PPWD1: variants seen among roughly 807,000 people sequenced by gnomAD.
PPWD1 encodes the protein peptidylprolyl isomerase domain and WD repeat-containing protein 1.
In PPWD1, 43 loss-of-function variants were observed where a neutral mutation model predicts 68.8. The observed-to-expected ratio is 0.62, with a 90% confidence interval of 0.49 to 0.81. The LOEUF is 0.81. Ranked by LOEUF, PPWD1 falls within the 30% of genes least tolerant of loss-of-function variation. The probability of loss-of-function intolerance (pLI) is 0.00; values close to 1 mark genes in which losing one functional copy is unlikely to be tolerated. For missense variants in PPWD1, 672 were observed against 804.8 expected (o/e 0.83, Z 2.00); for synonymous variants, 232 against 258.7 (o/e 0.90, Z 0.99).
intron 5 of PPWD1, among the ~76,000 whole-genome samples, chr5:65,574,266 A>G (rs970438051): frequency 6.6e-6 from 1 of 152,226 alleles, no homozygotes; most frequent in African/African-American, 2.4e-5. Context: ...TTGTTGGAAG[A>G]AGATAGCTTT....
intron 4 of PPWD1, 40 bp downstream of exon 4, chr5:65,570,038 A>G: frequency 6.5e-7 from 1 of 1,527,946 alleles, no homozygotes; most frequent in Non-Finnish European, 9.0e-7. Flanking sequence ...AACTTATTGA[A>G]GTAATTTGTA....
chr5:65,579,573 C>T lies in PPWD1; in HGVS notation c.1310C>T (p.Thr437Ile), dbSNP rs1369847139. The change falls in exon 7 of 11, where the codon ACA (threonine) becomes ATA (isoleucine). Residue 437 changes from threonine to isoleucine, a missense_variant. Physicochemically the swap from Thr to Ile is moderately conservative, Grantham distance 89. Transcript: ENST00000261308. ...CTTCAGAATATTCAAGCTGACCCAA[C>T]AATAGTCTGTACATCATTCAAAAAG... The part of the protein sequence containing the change: ...PVLQNIQADP[T>I]IVCTSFKKNR... The T allele has an allele frequency of 6.2e-7, 1 of 1,603,268 alleles. No individual in the cohort carries two copies. The highest frequency in any genetic ancestry group is 8.5e-7 in the Non-Finnish European group (1 of 1,176,124).
At chr5:65,579,276 TG>T (rs1561729971) in intron 6 of PPWD1, 147 bp from the exon 7 acceptor site, 2 of 1,238,808 alleles carry the variant, frequency 1.6e-6, no homozygotes, top group Non-Finnish European at 1.0e-6. Context: ...TGATACCTTT[TG>T]GGGGGTAGAG....
intron 6 of PPWD1, 113 bp downstream of exon 6, chr5:65,577,182 A>C: frequency 7.0e-7 from 1 of 1,438,074 alleles, no homozygotes; most frequent in Non-Finnish European, 9.1e-7. Flanking sequence ...AATGGCCCCA[A>C]ATGTCTAAAC....
At chr5:65,567,725 A>T in intron 2 of PPWD1, 110 bp downstream of exon 2, 1 of 1,373,814 alleles carries the variant, frequency 7.3e-7, no homozygotes. Context: ...GTAGATTTTT[A>T]ATTTCTTAAG....
chr5:65,576,945 G>A lies in PPWD1; in HGVS notation c.1036G>A (p.Val346Ile). Residue 346 changes from valine to isoleucine, a missense_variant, in exon 6 of 11, where the codon GTA becomes ATA. Physicochemically the swap from Val to Ile is conservative, Grantham distance 29 (BLOSUM62 3). Around this residue, in one of 2 missense-constraint regions of PPWD1, gnomAD observed 484 missense variants for 646.2 expected, o/e 0.75. Coordinates refer to ENST00000261308, the MANE Select transcript of PPWD1 (RefSeq NM_015342.4). ...PDMEFGRRMA[V>I]ERELEKVDAV... ...CATGGAATTTGGCCGACGAATGGCT[G>A]TAGAACGTGAGTTGGAGAAGGTTGA... The A allele has an allele frequency of 6.2e-7, 1 of 1,614,128 alleles. No homozygotes were observed. Among genetic ancestry groups the A allele is most frequent in the Non-Finnish European group, 8.5e-7 (1 of 1,179,972 alleles).
At chr5:65,574,857 G>A (rs990798539) in intron 5 of PPWD1, among the ~76,000 whole-genome samples, 1 of 152,244 alleles carries the variant, frequency 6.6e-6, no homozygotes, top group South Asian at 2.1e-4. Context: ...TTAGCCTGAG[G>A]TGACAAGAAG....
At position 65,563,357 on chromosome 5, in the gene PPWD1, G is replaced by T; in HGVS notation, c.47G>T (p.Arg16Leu). The T allele has an allele frequency of 6.2e-7, 1 of 1,614,110 alleles. No homozygotes were observed. Among genetic ancestry groups the T allele is most frequent in the Non-Finnish European group, 8.5e-7 (1 of 1,180,010 alleles). ...GATTTTCAGCAGAGACGTAGAAGGC[G>T]CCGGGACCCGGAGGAACCGGAAAAA... ...GSDFQQRRRR[R>L]RDPEEPEKTE... Residue 16 changes from arginine to leucine, a missense_variant, in exon 1 of 11, where the codon CGC becomes CTC. Around this residue, in one of 2 missense-constraint regions of PPWD1, gnomAD observed 188 missense variants for 158.6 expected, o/e 1.19. Coordinates refer to ENST00000261308, the MANE Select transcript of PPWD1 (RefSeq NM_015342.4).
At chr5:65,580,952 C>G (rs1753569158) in intron 7 of PPWD1, among the ~76,000 whole-genome samples, 1 of 152,166 alleles carries the variant, frequency 6.6e-6, no homozygotes, top group Non-Finnish European at 1.5e-5. Context: ...CTGTGCTCTT[C>G]TTCTGAAGAT....
intron 4 of PPWD1, among the ~76,000 whole-genome samples, chr5:65,571,132 T>C (rs758357255): frequency 7.9e-5 from 12 of 152,178 alleles, no homozygotes; most frequent in Non-Finnish European, 1.3e-4. Context: ...GAAGAGTATA[T>C]TTCAGACTTT....
chr5:65,566,737 C>T (rs917838070), intron 1 of PPWD1, among the ~76,000 whole-genome samples: 2 of 146,996 alleles, frequency 1.4e-5, no homozygotes, highest in Admixed American at 6.7e-5. Flanking sequence ...CTTCCTTCTT[C>T]TCTCCCTCCC....
At chr5:65,583,788 A>G (rs566514474) in intron 8 of PPWD1, among the ~76,000 whole-genome samples, 1 of 152,212 alleles carries the variant, frequency 6.6e-6, no homozygotes, top group Non-Finnish European at 1.5e-5. Flanking sequence ...ATCTCTTAAA[A>G]AAAATTTTTT....
intron 7 of PPWD1, 129 bp from the exon 8 acceptor site, chr5:65,582,909 C>T (rs1027919204): frequency 1.6e-6 from 2 of 1,237,602 alleles, no homozygotes. Context: ...GGAAGTGATT[C>T]CTGAAATAAG....
Position 65,579,407 on chromosome 5 carries a change from C to A in PPWD1, c.1161-17C>A. ...ACTTCGGTGATTCTGTTGTATAAAA[C>A]ATTGTTATATTTTTAGGTGTGTGCG... On this transcript the variant is annotated splice_polypyrimidine_tract_variant and intron_variant, in intron 6 of 10. Coordinates refer to ENST00000261308, the MANE Select transcript of PPWD1 (RefSeq NM_015342.4). The A allele has an allele frequency of 6.8e-7, 1 of 1,468,444 alleles. No homozygotes were observed. The highest frequency in any genetic ancestry group is 1.5e-5 in the South Asian group (1 of 67,998). 91.0% of individuals were successfully genotyped at this position (1,468,444 alleles called of 1,614,324 possible). A position where few individuals can be genotyped will look rare whatever the true frequency, so the allele number is the denominator to read the frequency against.
Position 65,583,214 on chromosome 5 carries a change from T to A in PPWD1, c.1527T>A (p.Pro509=). 1 of 1,579,892 alleles carries A rather than the reference T, an allele frequency of 6.3e-7. No individual in the cohort carries two copies. Among genetic ancestry groups the A allele is most frequent in the Non-Finnish European group, 8.6e-7 (1 of 1,164,284 alleles). The part of the protein sequence containing the change: ...SMGDIHTKLF[P]VECPKTVENF... ...GAGACATTCACACCAAACTTTTTCCTGTTGAGTATGTATAACAACTGTTTT... is the reference window on the plus strand; with the variant it reads ...GAGACATTCACACCAAACTTTTTCCAGTTGAGTATGTATAACAACTGTTTT... The change falls in exon 8 of 11, where the codon CCT becomes CCA. Residue 509 remains proline, a synonymous_variant. Coordinates refer to ENST00000261308, the MANE Select transcript of PPWD1 (RefSeq NM_015342.4).
At chr5:65,584,897 CCTT>C (rs1393263065) in intron 8 of PPWD1, 114 bp from the exon 9 acceptor site, 2 of 1,344,038 alleles carry the variant, frequency 1.5e-6, no homozygotes, top group Non-Finnish European at 2.0e-6. Flanking sequence ...AAACAACTGT[CCTT>C]CTGAAACATT....
rs1228425453 is a variant in PPWD1 at position 65,578,760 on chromosome 5, G to GTA, written c.1161-653_1161-652dup. On this transcript the variant is annotated intron_variant, in intron 6 of 10. Transcript: ENST00000261308. Reference sequence around the variant, plus strand: ...CATATATATATACACACATATATGTGTATATATATATACATATATATGTGT... The same window carrying GTA: ...CATATATATATACACACATATATGTGTATATATATATATACATATATATGTGT... Among the ~76,000 whole-genome samples the GTA allele has an allele frequency of 2.4e-4, 18 of 74,190 alleles. 1 individual carries two copies. The highest frequency in any genetic ancestry group is 7.9e-4 in the East Asian group (3 of 3,812). 48.7% of individuals were successfully genotyped at this position (74,190 alleles called of 152,430 possible).
intron 1 of PPWD1, among the ~76,000 whole-genome samples, chr5:65,565,414 C>T (rs1414210338): frequency 6.6e-6 from 1 of 152,070 alleles, no homozygotes; most frequent in East Asian, 1.9e-4. Flanking sequence ...TTAGTGTTAC[C>T]GGACAAGTGT....
At chr5:65,570,353 G>T (rs1290328608) in intron 4 of PPWD1, 1 of 875,940 alleles carries the variant, frequency 1.1e-6, no homozygotes, top group Admixed American at 6.2e-5. Context: ...GTTCCTATAA[G>T]ATTTATTCAC....
Sources: gnomAD v4.1 joint callset for allele counts (sites outside exome capture counted in the v4.1 genomes callset) on GRCh38, gnomAD v4.1.1 for gene constraint, gnomAD v4.1.1 regional missense constraint, MANE v1.5 for transcripts, NCBI Gene and HGNC (gene_info 2026-07-23, HGNC 2026-07-21) for gene names.